MMP16: variants seen among roughly 807,000 people sequenced by gnomAD.
The protein encoded by MMP16 is matrix metalloproteinase-16.
In MMP16, 12 loss-of-function variants were observed where a neutral mutation model predicts 67.8. The ratio of observed to expected loss-of-function variants is 0.18; its 90% CI spans 0.11 to 0.29. The LOEUF (loss-of-function observed/expected upper bound fraction) is 0.29. Ranked by LOEUF, MMP16 falls within the 10% of genes least tolerant of loss-of-function variation. MMP16 has a pLI of 1.00. For synonymous variants in MMP16, 249 were observed against 255.9 expected (o/e 0.97, Z 0.26); for missense variants, 475 against 765.7 (o/e 0.62, Z 4.48).
At chr8:88,057,433 T>C (rs1808345811) in intron 7 of MMP16, among the ~76,000 whole-genome samples, 1 of 152,112 alleles carries the variant, frequency 6.6e-6, no homozygotes, top group Non-Finnish European at 1.5e-5. Flanking sequence ...AAAATTGTAT[T>C]TCCCTCCTTC....
At chr8:88,101,383 A>C (rs1563531809) in intron 6 of MMP16, among the ~76,000 whole-genome samples, 1 of 151,946 alleles carries the variant, frequency 6.6e-6, no homozygotes, top group Non-Finnish European at 1.5e-5. Flanking sequence ...GGAATCAATA[A>C]ACTTCAGCAT....
chr8:88,253,986 T>C (rs1810264956), intron 1 of MMP16, among the ~76,000 whole-genome samples: 1 of 152,060 alleles, frequency 6.6e-6, no homozygotes, highest in South Asian at 2.1e-4. Context: ...ACATAAATTG[T>C]TCTACTATAA....
chr8:88,194,437 G>C (rs560237425), intron 2 of MMP16, among the ~76,000 whole-genome samples: 27 of 152,110 alleles, frequency 1.8e-4, no homozygotes, highest in South Asian at 4.1e-4. Flanking sequence ...TGTGATTTCA[G>C]CATGGATTGT....
chr8:88,106,224 G>GT (rs1563533468), intron 6 of MMP16, among the ~76,000 whole-genome samples: 1 of 151,108 alleles, frequency 6.6e-6, no homozygotes, highest in Non-Finnish European at 1.5e-5. Context: ...GTATGAGTGT[G>GT]TATCTGGGTA....
intron 6 of MMP16, among the ~76,000 whole-genome samples, chr8:88,114,132 C>G (rs2118421565): frequency 6.6e-6 from 1 of 151,946 alleles, no homozygotes; most frequent in East Asian, 2.0e-4. Context: ...TTTATGAGGT[C>G]AGAGACACAT....
chr8:88,291,846 A>G (rs1487816465), intron 1 of MMP16, among the ~76,000 whole-genome samples: 1 of 152,206 alleles, frequency 6.6e-6, no homozygotes, highest in Admixed American at 6.5e-5. Flanking sequence ...AAACATAAAT[A>G]TGTTAACTTT....
At chr8:88,319,350 G>A (rs1811423652) in intron 1 of MMP16, among the ~76,000 whole-genome samples, 1 of 151,934 alleles carries the variant, frequency 6.6e-6, no homozygotes, top group Non-Finnish European at 1.5e-5. Flanking sequence ...TGACAGAGGG[G>A]AGGGGTAAAA....
intron 6 of MMP16, among the ~76,000 whole-genome samples, chr8:88,115,051 C>A (rs1809405356): frequency 6.6e-6 from 1 of 151,928 alleles, no homozygotes. Context: ...AAATCAGCAA[C>A]CTACTTAGAT....
At chr8:88,286,401 T>G (rs1347471474) in intron 1 of MMP16, among the ~76,000 whole-genome samples, 2 of 152,140 alleles carry the variant, frequency 1.3e-5, no homozygotes, top group Non-Finnish European at 2.9e-5. Context: ...AACCAAAACC[T>G]TTCCATTGAG....
intron 4 of MMP16, among the ~76,000 whole-genome samples, chr8:88,161,011 T>C (rs142063137): frequency 0.13 from 19,871 of 152,124 alleles, 1,512 homozygotes; most frequent in East Asian, 0.2. Context: ...AAATTCTCTT[T>C]TTTTGTTGTG....
chr8:88,067,936 G>A (rs1401342818), intron 7 of MMP16, among the ~76,000 whole-genome samples: 1 of 152,082 alleles, frequency 6.6e-6, no homozygotes, highest in Non-Finnish European at 1.5e-5. Flanking sequence ...AATACCAAGG[G>A]TAAAATGGCT....
intron 6 of MMP16, among the ~76,000 whole-genome samples, chr8:88,113,170 A>G (rs1319111208): frequency 2.0e-5 from 3 of 151,878 alleles, no homozygotes; most frequent in Non-Finnish European, 4.4e-5. Flanking sequence ...AATCTTGTTG[A>G]GGAACACATT....
At chr8:88,074,896 A>C (rs1000166974) in intron 6 of MMP16, among the ~76,000 whole-genome samples, 153 bp from the exon 7 acceptor site, 1 of 152,196 alleles carries the variant, frequency 6.6e-6, no homozygotes, top group African/African-American at 2.4e-5. Context: ...ACTTGACCGC[A>C]ATGATCACAA....
intron 1 of MMP16, among the ~76,000 whole-genome samples, chr8:88,261,603 TG>T (rs1335796343): frequency 6.6e-6 from 1 of 151,804 alleles, no homozygotes; most frequent in Non-Finnish European, 1.5e-5. Context: ...TATAAACCAC[TG>T]GGCAAAAAAA....
Position 88,266,319 on chromosome 8 carries a change from C to T in MMP16, c.132+60756G>A, listed in dbSNP as rs1175434107. 2.8e-5 allele frequency among the ~76,000 whole-genome samples: 4 copies of T among 141,094 alleles called. No homozygotes were observed. The South Asian group carries it at 7.5e-4, about 27-fold the overall frequency. The allele number at this position is 141,094 out of a possible 152,430, so 92.6% of individuals were successfully genotyped here. A position where few individuals can be genotyped will look rare whatever the true frequency, so the allele number is the denominator to read the frequency against. On this transcript the variant is annotated intron_variant, in intron 1 of 9. Coordinates refer to ENST00000286614, the MANE Select transcript of MMP16 (RefSeq NM_005941.5). ...CTAAGACCATCTCCTTATTAGTGAT[C>T]TCCTTATTAGTGAGTATGCTATTTT...
At chr8:88,151,454 T>A (rs1353090275) in intron 4 of MMP16, among the ~76,000 whole-genome samples, 1 of 150,662 alleles carries the variant, frequency 6.6e-6, no homozygotes, top group East Asian at 2.0e-4. Context: ...ATTGACCACA[T>A]AGTTGGAAGT....
intron 4 of MMP16, among the ~76,000 whole-genome samples, chr8:88,131,796 T>A (rs535474962): frequency 6.6e-6 from 1 of 152,016 alleles, no homozygotes; most frequent in South Asian, 2.1e-4. Context: ...CCCTCTCACT[T>A]TCTTCATTGG....
At chr8:88,047,630 A>G (rs1413014567) in intron 8 of MMP16, among the ~76,000 whole-genome samples, 1 of 152,190 alleles carries the variant, frequency 6.6e-6, no homozygotes, top group Non-Finnish European at 1.5e-5. Flanking sequence ...ACCTGTGTCT[A>G]CAAGGAGGCT....
rs754220358 is a variant in MMP16 at position 88,190,111 on chromosome 8, A to G, written c.282-3513T>C. On this transcript the variant is annotated intron_variant, in intron 2 of 9. Coordinates refer to ENST00000286614, the MANE Select transcript of MMP16 (RefSeq NM_005941.5). ...TATATAAAACAAAATCATGAAGTAG[A>G]TAATTTACACATAAGAAATAAGCAT... Among the ~76,000 whole-genome samples the G allele has an allele frequency of 5.9e-5, 9 of 152,244 alleles. 1 individual carries two copies. The highest frequency in any genetic ancestry group is 1.9e-4 in the African/African-American group (8 of 41,474).
Sources: gnomAD v4.1 joint callset for allele counts (sites outside exome capture counted in the v4.1 genomes callset) on GRCh38, gnomAD v4.1.1 for gene constraint, MANE v1.5 for transcripts, NCBI Gene and HGNC (gene_info 2026-07-23, HGNC 2026-07-21) for gene names.